ABCC9: variants seen among roughly 807,000 people sequenced by gnomAD.
ABCC9 encodes the protein ATP-binding cassette sub-family C member 9.
In ABCC9, 95 loss-of-function variants were observed where a neutral mutation model predicts 188.3. The ratio of observed to expected loss-of-function variants is 0.50; its 90% CI spans 0.43 to 0.60. ABCC9 has a LOEUF of 0.60. ABCC9 is among the 20% of genes least tolerant of loss of function. The pLI, the probability that ABCC9 is intolerant of heterozygous loss-of-function variation, is 0.00. For missense variants in ABCC9, 1,102 were observed against 1,876.3 expected (o/e 0.59, Z 7.62); for synonymous variants, 659 against 652.7 (o/e 1.01, Z -0.15).
chr12:21,940,381 T>C (rs375193691), intron 2 of ABCC9, among the ~76,000 whole-genome samples: 2 of 152,364 alleles, frequency 1.3e-5, no homozygotes, highest in South Asian at 2.1e-4. Context: ...TCAGGATGGA[T>C]GTCACTTGCA....
At chr12:21,909,650 A>G (rs1047817109) in intron 10 of ABCC9, among the ~76,000 whole-genome samples, 1 of 151,984 alleles carries the variant, frequency 6.6e-6, no homozygotes, top group Non-Finnish European at 1.5e-5. Flanking sequence ...TATTGAAACT[A>G]TGGGATTGAT....
chr12:21,876,547 G>A (rs893180154), intron 16 of ABCC9, among the ~76,000 whole-genome samples: 2 of 152,092 alleles, frequency 1.3e-5, no homozygotes, highest in East Asian at 1.9e-4. Context: ...TGGTATAAAC[G>A]TCAATAATCA....
At chr12:21,814,615 C>T (rs767871542) in intron 35 of ABCC9, 29 bp downstream of exon 35, 22 of 1,581,772 alleles carry the variant, frequency 1.4e-5, no homozygotes, top group Non-Finnish European at 1.9e-5. Flanking sequence ...CACCAAGTGG[C>T]CACTTAAAAA....
intron 34 of ABCC9, 42 bp downstream of exon 34, chr12:21,815,721 A>T (rs1240017948): frequency 6.2e-7 from 1 of 1,607,450 alleles, no homozygotes; most frequent in Non-Finnish European, 8.5e-7. Flanking sequence ...ACTCCCTCAG[A>T]GGTTTTATGT....
At chr12:21,927,865 T>C (rs1015684091) in intron 4 of ABCC9, among the ~76,000 whole-genome samples, 4 of 152,110 alleles carry the variant, frequency 2.6e-5, no homozygotes, top group African/African-American at 9.7e-5. Flanking sequence ...AAAAAATAGA[T>C]AACTATTTTG....
intron 35 of ABCC9, among the ~76,000 whole-genome samples, chr12:21,813,827 G>A (rs914458221): frequency 6.6e-6 from 1 of 152,110 alleles, no homozygotes; most frequent in East Asian, 1.9e-4. Context: ...CAGAGCTGTT[G>A]TGTAGATTAA....
At chr12:21,832,995 C>A (rs1943860460) in intron 30 of ABCC9, among the ~76,000 whole-genome samples, 1 of 152,122 alleles carries the variant, frequency 6.6e-6, no homozygotes, top group Non-Finnish European at 1.5e-5. Context: ...AATTGGAGAC[C>A]ATTACTCTAA....
chr12:21,836,764 A>G (rs940153069), intron 30 of ABCC9, among the ~76,000 whole-genome samples: 20 of 152,208 alleles, frequency 1.3e-4, no homozygotes, highest in Admixed American at 4.6e-4. Flanking sequence ...TGCCACAACA[A>G]CAACAAAAAA....
intron 30 of ABCC9, among the ~76,000 whole-genome samples, chr12:21,830,789 A>G (rs1173405840): frequency 6.6e-6 from 1 of 152,152 alleles, no homozygotes; most frequent in Non-Finnish European, 1.5e-5. Flanking sequence ...CATGACCCAA[A>G]TGCCATGCTG....
intron 5 of ABCC9, among the ~76,000 whole-genome samples, chr12:21,921,743 T>C (rs1948827473): frequency 6.6e-6 from 1 of 152,134 alleles, no homozygotes; most frequent in Non-Finnish European, 1.5e-5. Context: ...TGATTTTGTT[T>C]TTGTACATGG....
chr12:21,897,386 C>A (rs530506741), intron 12 of ABCC9, among the ~76,000 whole-genome samples: 2 of 152,184 alleles, frequency 1.3e-5, no homozygotes, highest in South Asian at 2.1e-4. Context: ...ATGATAGTTT[C>A]TTTTGCTGTA....
rs367803558 is a variant in ABCC9 at position 21,883,036 on chromosome 12, A to G, written c.1912-163T>C. Among the ~76,000 whole-genome samples, 269 of 152,324 alleles carry G rather than the reference A, an allele frequency of 1.8e-3. 4 individuals carry two copies. The South Asian group carries it at 0.037, about 21-fold the overall frequency. On this transcript the variant is annotated intron_variant, in intron 15 of 39. Transcript: ENST00000261200. The stretch of plus-strand genomic sequence containing the variant: ...TCATAAAAAAAAATGAAAAATTCTT[A>G]AGCTATAGTTAAACCTCATTCACAT...
chr12:21,870,836 A>G (rs993740759), intron 18 of ABCC9, among the ~76,000 whole-genome samples: 2 of 152,218 alleles, frequency 1.3e-5, no homozygotes, highest in African/African-American at 4.8e-5. Context: ...GATACAATAT[A>G]AATCGTATAC....
At position 21,826,159 on chromosome 12, in the gene ABCC9, A is replaced by G. The variant is rs369554469; in HGVS notation, c.3669+2799T>C. 2.0e-5 allele frequency among the ~76,000 whole-genome samples: 3 copies of G among 152,292 alleles called. 1 individual carries two copies. Among genetic ancestry groups the G allele is most frequent in the African/African-American group, 7.2e-5 (3 of 41,538 alleles). The stretch of plus-strand genomic sequence containing the variant: ...CTCTAAGAATATTTGCTAGAAGCAG[A>G]TATTTATGTGAACTTACTGAGTAAT... On this transcript the variant is annotated intron_variant, in intron 31 of 39. Transcript: ENST00000261200.
At chr12:21,852,274 A>G (rs759736131) in intron 23 of ABCC9, 52 bp from the exon 24 acceptor site, 1 of 1,613,566 alleles carries the variant, frequency 6.2e-7, no homozygotes, top group South Asian at 1.1e-5. Flanking sequence ...TGATTGGCAA[A>G]ATGAACTACC....
At chr12:21,929,271 C>T (rs191950270) in intron 4 of ABCC9, among the ~76,000 whole-genome samples, 4 of 151,696 alleles carry the variant, frequency 2.6e-5, no homozygotes, top group Admixed American at 1.3e-4. Flanking sequence ...TGCTAATAAA[C>T]CACAAAGAGT....
intron 37 of ABCC9, among the ~76,000 whole-genome samples, chr12:21,808,120 T>A (rs2137122556): frequency 6.6e-6 from 1 of 152,274 alleles, no homozygotes. Context: ...TGTTTCCAAA[T>A]GTCTTTTTTA....
chr12:21,801,024 T>C lies in ABCC9; in HGVS notation c.*20A>G. On this transcript the variant is annotated 3_prime_UTR_variant, in exon 40 of 40. Coordinates refer to ENST00000261200, the MANE Select transcript of ABCC9 (RefSeq NM_020297.4). ...ATGACTGCATTATTTTAAATACATG[T>C]ATTGTTTTAAGACACTCCTTCACAT... 1 of 1,613,360 alleles carries C rather than the reference T, an allele frequency of 6.2e-7. No individual in the cohort carries two copies. Among genetic ancestry groups the C allele is most frequent in the Non-Finnish European group, 8.5e-7 (1 of 1,179,748 alleles).
Position 21,932,253 on chromosome 12 carries a change from A to G in ABCC9, c.284+1529T>C, listed in dbSNP as rs566244306. ...TTATATTTTAACTGTCTAATGAAACATCTTATTTTATAAAAATAACAAAAT... is the reference window on the plus strand; with the variant it reads ...TTATATTTTAACTGTCTAATGAAACGTCTTATTTTATAAAAATAACAAAAT... On this transcript the variant is annotated intron_variant, in intron 4 of 39. Coordinates refer to ENST00000261200, the MANE Select transcript of ABCC9 (RefSeq NM_020297.4). Among the ~76,000 whole-genome samples, 18 of 152,206 alleles carry G rather than the reference A, an allele frequency of 1.2e-4. No homozygotes were observed. The South Asian group carries it at 2.7e-3, about 23-fold the overall frequency.
Sources: allele counts gnomAD v4.1 joint callset (sites outside exome capture counted in the v4.1 genomes callset), GRCh38; gene constraint gnomAD v4.1.1; transcripts MANE v1.5; gene names NCBI Gene and HGNC (gene_info 2026-07-23, HGNC 2026-07-21).